The following RESF1 variants were observed in gnomAD, a reference collection of about 807,000 sequenced individuals.
RESF1 encodes gonad expressed transcript.
RESF1 carries 65 observed loss-of-function variants against 134.7 expected under a neutral mutation model. The ratio of observed to expected loss-of-function variants is 0.48; its 90% CI spans 0.40 to 0.59. The LOEUF is 0.59. RESF1 is among the 20% of genes least tolerant of loss of function. The pLI is 0.00. For missense variants in RESF1, 2,274 were observed against 2,002.7 expected (o/e 1.14, Z -2.59); for synonymous variants, 762 against 702.2 (o/e 1.09, Z -1.35).
At position 31,981,798 on chromosome 12, in the gene RESF1, T is replaced by G. The variant is rs761295442; in HGVS notation, c.843T>G (p.Pro281=). 9 of 1,613,728 alleles carry G rather than the reference T, an allele frequency of 5.6e-6. No homozygotes were observed. In the Admixed American group the frequency reaches 1.3e-4, roughly 24 times the overall value. The change falls in exon 4 of 6, where the codon CCT becomes CCG. Residue 281 remains proline, a synonymous_variant. Transcript: ENST00000312561. The stretch of plus-strand genomic sequence containing the variant: ...CTGACAAAAGACCTCCTCCTCCTCC[T>G]TACAACTGTAGATATGGAAGCCAGC... ...TQTDKRPPPP[P]YNCRYGSQPL...
At position 31,983,546 on chromosome 12, in the gene RESF1, C is replaced by T. The variant is rs116375159; in HGVS notation, c.2591C>T (p.Ser864Leu). The T allele has an allele frequency of 7.3e-5, 118 of 1,614,064 alleles. No homozygotes were observed. The African/African-American group carries it at 1.6e-3, about 21-fold the overall frequency. Residue 864 changes from serine to leucine, a missense_variant, in exon 4 of 6, where the codon TCA becomes TTA. Coordinates refer to ENST00000312561, the MANE Select transcript of RESF1 (RefSeq NM_018169.4). ...VNQGKHNKLESAIHSPMNDQQ... is the reference protein window; with the variant it reads ...VNQGKHNKLELAIHSPMNDQQ... ...CAAGGAAAGCATAACAAATTAGAGT[C>T]AGCTATCCATTCTCCTATGAACGAT...
chr12:31,976,352 A>G (rs762339542), intron 3 of RESF1, among the ~76,000 whole-genome samples: 1 of 152,248 alleles, frequency 6.6e-6, no homozygotes, highest in Non-Finnish European at 1.5e-5. Context: ...AACATTAAAC[A>G]GTTGATAAAC....
intron 3 of RESF1, among the ~76,000 whole-genome samples, chr12:31,975,671 T>C (rs1183274281): frequency 6.6e-6 from 1 of 152,236 alleles, no homozygotes; most frequent in Admixed American, 6.5e-5. Context: ...TTGTAAAAAG[T>C]ACCACTACAG....
At chr12:31,979,405 TC>T (rs1939719060) in intron 3 of RESF1, among the ~76,000 whole-genome samples, 2 of 152,298 alleles carry the variant, frequency 1.3e-5, no homozygotes, top group African/African-American at 4.8e-5. Flanking sequence ...TAGTCACAAG[TC>T]CAGGTTTGTA....
intron 5 of RESF1, among the ~76,000 whole-genome samples, chr12:31,988,510 GGA>G (rs1940023936): frequency 6.6e-6 from 1 of 152,112 alleles, no homozygotes; most frequent in East Asian, 1.9e-4. Flanking sequence ...TTTTACATAA[GGA>G]ACTTAAGCAT....
At chr12:31,976,246 C>A (rs1039200689) in intron 3 of RESF1, among the ~76,000 whole-genome samples, 74 of 152,168 alleles carry the variant, frequency 4.9e-4, no homozygotes, top group African/African-American at 1.7e-3. Flanking sequence ...ATTAGGATAA[C>A]TGACTCTTGT....
intron 2 of RESF1, among the ~76,000 whole-genome samples, chr12:31,965,537 GTGGTT>G (rs1939380966): frequency 6.6e-6 from 1 of 152,176 alleles, no homozygotes; most frequent in African/African-American, 2.4e-5. Flanking sequence ...CCTTGCTTGT[GTGGTT>G]TGTTCAGTTC....
Position 31,982,990 on chromosome 12 carries a change from C to G in RESF1, c.2035C>G (p.Leu679Val), listed in dbSNP as rs759972208. ...SMEVLATCLS[L>V]WKKQPSDTAK... ...GGAAGTGCTAGCAACCTGTCTTTCC[C>G]TGTGGAAAAAGCAACCTTCAGATAC... The change falls in exon 4 of 6, where the codon CTG (leucine) becomes GTG (valine). Residue 679 changes from leucine (L) to valine (V), a missense_variant. Physicochemically the swap from Leu to Val is conservative, Grantham distance 32. Transcript: ENST00000312561. 7 of 1,613,972 alleles carry G rather than the reference C, an allele frequency of 4.3e-6. No individual in the cohort carries two copies. Among genetic ancestry groups the G allele is most frequent in the South Asian group, 3.3e-5 (3 of 91,082 alleles).
rs3213956 is a variant in RESF1, at chr12:31,987,134, A to G, written c.5003-105A>G. ...AGTTGTGTTACATGTGGTTATATCT[A>G]GGGCCTTTCAAAATCTATTTTCAGC... On this transcript the variant is annotated intron_variant, in intron 4 of 5. Coordinates refer to ENST00000312561, the MANE Select transcript of RESF1 (RefSeq NM_018169.4). 2,543 of 662,100 alleles carry G rather than the reference A, an allele frequency of 3.8e-3. 46 individuals carry two copies. Among genetic ancestry groups the G allele is most frequent in the East Asian group, 0.033 (1,171 of 35,216 alleles). 41.0% of individuals were successfully genotyped at this position (662,100 alleles called of 1,614,324 possible).
chr12:31,964,098 G>A (rs1261519174), intron 2 of RESF1, among the ~76,000 whole-genome samples: 1 of 152,014 alleles, frequency 6.6e-6, no homozygotes, highest in East Asian at 1.9e-4. Context: ...GGAACTGCCA[G>A]GCTATTATCC....
rs918700025 is a variant in RESF1 at position 31,985,066 on chromosome 12, T to G, written c.4111T>G (p.Phe1371Val). The G allele has an allele frequency of 3.8e-6, 6 of 1,574,490 alleles. No individual in the cohort carries two copies. The highest frequency in any genetic ancestry group is 5.1e-6 in the Non-Finnish European group (6 of 1,168,070). Residue 1371 changes from phenylalanine to valine, a missense_variant, in exon 4 of 6, where the codon TTC becomes GTC. By Grantham distance (50) the Phe-to-Val change is conservative (BLOSUM62 -1). Transcript: ENST00000312561. Reference sequence around the variant, plus strand: ...AAAATTGAAACTCAAATCAGTTAGCTTCAAACAAAAACGAAAGTTAGACCA... The same window carrying G: ...AAAATTGAAACTCAAATCAGTTAGCGTCAAACAAAAACGAAAGTTAGACCA... The part of the protein sequence containing the change: ...KIKLKLKSVS[F>V]KQKRKLDQGN...
Position 31,985,652 on chromosome 12 carries a change from A to T in RESF1, c.4697A>T (p.Gln1566Leu), listed in dbSNP as rs1467151688. ...TTAACCAATATAAGCAACGAAGCTC[A>T]ATTCAGCCAAATGCCTCCCCAAGTA... ...DKLTNISNEA[Q>L]FSQMPPQVKD... The change falls in exon 4 of 6, where the codon CAA becomes CTA. Residue 1566 changes from glutamine to leucine, a missense_variant. Coordinates refer to ENST00000312561, the MANE Select transcript of RESF1 (RefSeq NM_018169.4). 2 of 1,613,176 alleles carry T rather than the reference A, an allele frequency of 1.2e-6. No homozygotes were observed. Among genetic ancestry groups the T allele is most frequent in the South Asian group, 2.2e-5 (2 of 90,672 alleles).
chr12:31,983,862 A>G lies in RESF1; in HGVS notation c.2907A>G (p.Ile969Met), dbSNP rs528892525. The G allele has an allele frequency of 2.3e-5, 37 of 1,613,634 alleles. No individual in the cohort carries two copies. Among genetic ancestry groups the G allele is most frequent in the East Asian group, 1.1e-4 (5 of 44,888 alleles). The stretch of plus-strand genomic sequence containing the variant: ...AGTGCACAGATGTTTCACATAAAAT[A>G]TGTGATCAGTCAAAGTCAGAGCCAC... ...PVQCTDVSHKICDQSKSEPPL... is the reference protein window; with the variant it reads ...PVQCTDVSHKMCDQSKSEPPL... Residue 969 changes from isoleucine to methionine, a missense_variant, in exon 4 of 6, where the codon ATA (isoleucine) becomes ATG (methionine). Transcript: ENST00000312561.
intron 1 of RESF1, chr12:31,959,702 A>T (rs936284244): frequency 4.0e-5 from 6 of 150,844 alleles, no homozygotes; most frequent in Non-Finnish European, 8.9e-5. Flanking sequence ...CGCCCACCGG[A>T]GCTGGGCCGG....
chr12:31,986,701 TG>T (rs1429801396), intron 4 of RESF1, among the ~76,000 whole-genome samples: 1 of 152,214 alleles, frequency 6.6e-6, no homozygotes, highest in African/African-American at 2.4e-5. Context: ...GGATATTATA[TG>T]TAAAGCATTG....
intron 2 of RESF1, among the ~76,000 whole-genome samples, chr12:31,961,410 G>A (rs553087352): frequency 4.6e-5 from 7 of 152,274 alleles, no homozygotes; most frequent in African/African-American, 1.7e-4. Flanking sequence ...ATAAACCTCT[G>A]CCTGTTCTCT....
At chr12:31,964,277 A>C (rs1206186305) in intron 2 of RESF1, among the ~76,000 whole-genome samples, 1 of 146,960 alleles carries the variant, frequency 6.8e-6, no homozygotes, top group African/African-American at 2.5e-5. Context: ...TTTTTTTTTC[A>C]AATCCTCTCC....
intron 3 of RESF1, among the ~76,000 whole-genome samples, chr12:31,975,145 G>A (rs76879891): frequency 0.13 from 19,276 of 151,794 alleles, 1,522 homozygotes; most frequent in East Asian, 0.35. Context: ...ATGGTGGCGC[G>A]CGCCTGTAGT....
rs1939816123 is a variant in RESF1, at chr12:31,982,232, G to A, written c.1277G>A (p.Cys426Tyr). ...INKDLLMAAG[C>Y]IKMTNTSYSE... ...AAAGATCTTTTGATGGCAGCAGGTT[G>A]TATTAAAATGACTAATACTTCTTAT... The change falls in exon 4 of 6, where the codon TGT becomes TAT. Residue 426 changes from cysteine (C) to tyrosine (Y), a missense_variant. Coordinates refer to ENST00000312561, the MANE Select transcript of RESF1 (RefSeq NM_018169.4). 1.9e-6 allele frequency: 3 copies of A among 1,613,324 alleles called. No individual in the cohort carries two copies. The highest frequency in any genetic ancestry group is 2.5e-6 in the Non-Finnish European group (3 of 1,179,848).
Sources: gnomAD v4.1 joint callset for allele counts (sites outside exome capture counted in the v4.1 genomes callset) on GRCh38, gnomAD v4.1.1 for gene constraint, MANE v1.5 for transcripts, NCBI Gene and HGNC (gene_info 2026-07-23, HGNC 2026-07-21) for gene names.